ARHGEF4: variants seen among roughly 807,000 people sequenced by gnomAD.
ARHGEF4 encodes APC-stimulated guanine nucleotide exchange factor 1.
ARHGEF4 carries 119 observed loss-of-function variants against 162.0 expected under a neutral mutation model. The observed-to-expected ratio is 0.73, with a 90% CI of 0.63 to 0.86. ARHGEF4 has a LOEUF of 0.86. Ranked by LOEUF, ARHGEF4 falls within the 40% of genes least tolerant of loss-of-function variation. The pLI is 0.00. For synonymous variants in ARHGEF4, 1,014 were observed against 979.9 expected, an observed-to-expected ratio of 1.03 and a Z score of -0.65; for missense variants, 2,488 against 2,456.0, an observed-to-expected ratio of 1.01 and a Z score of -0.28.
chr2:131,012,470 G>C (rs967148730), intron 4 of ARHGEF4, among the ~76,000 whole-genome samples: 1 of 151,944 alleles, frequency 6.6e-6, no homozygotes, highest in African/African-American at 2.4e-5. Context: ...AGATACTGAA[G>C]TTGCAAAGCC....
chr2:131,045,633 G>A, intron 13 of ARHGEF4, 187 bp downstream of exon 13: 3 of 1,536,792 alleles, frequency 2.0e-6, no homozygotes, highest in Non-Finnish European at 2.6e-6. Context: ...GTCAGTATAT[G>A]GTTGACATTC....
Position 130,986,883 on chromosome 2 carries a change from GGAGAGC to G in ARHGEF4, c.3985+40249_3985+40254del, listed in dbSNP as rs1200958266. Among the ~76,000 whole-genome samples, 14 of 152,352 alleles carry G rather than the reference GGAGAGC, an allele frequency of 9.2e-5. No homozygotes were observed. The East Asian group carries it at 2.7e-3, about 29-fold the overall frequency. On this transcript the variant is annotated intron_variant, in intron 4 of 13. Coordinates refer to ENST00000409359, the MANE Select transcript of ARHGEF4 (RefSeq NM_001367493.1). ...GGCTCTGAAGCTGCCTAGGCCCGCA[GGAGAGC>G]CTTGGGTCACACAATCCTAGGTGGT...
chr2:130,877,168 C>T (rs1678907064), intron 1 of ARHGEF4, among the ~76,000 whole-genome samples: 1 of 152,002 alleles, frequency 6.6e-6, no homozygotes, highest in African/African-American at 2.4e-5. Context: ...GTAAGGGGGA[C>T]GCAGGGGTTC....
chr2:130,973,563 TC>T (rs1026580600), intron 4 of ARHGEF4, among the ~76,000 whole-genome samples: 2 of 152,304 alleles, frequency 1.3e-5, no homozygotes, highest in African/African-American at 4.8e-5. Flanking sequence ...TGCAAGTTAC[TC>T]TTTGATACCA....
chr2:130,886,666 C>G (rs185809061), intron 1 of ARHGEF4, among the ~76,000 whole-genome samples: 2,466 of 147,980 alleles, frequency 0.017, 84 homozygotes, highest in African/African-American at 0.058. Context: ...GGGTGGCAGA[C>G]CGAGACTCTG....
chr2:130,954,375 G>A (rs867635908), intron 4 of ARHGEF4, among the ~76,000 whole-genome samples: 21 of 152,202 alleles, frequency 1.4e-4, no homozygotes, highest in African/African-American at 2.4e-4. Flanking sequence ...GACACAGGGC[G>A]GGGAACATCA....
chr2:130,994,632 C>T (rs1573557486), intron 4 of ARHGEF4, among the ~76,000 whole-genome samples: 1 of 152,146 alleles, frequency 6.6e-6, no homozygotes, highest in Non-Finnish European at 1.5e-5. Context: ...CTTCATCGCT[C>T]TTCATTGCTT....
intron 2 of ARHGEF4, among the ~76,000 whole-genome samples, chr2:130,926,032 CTT>C (rs1377487999): frequency 9.4e-6 from 1 of 106,242 alleles, no homozygotes; most frequent in African/African-American, 5.3e-5. Flanking sequence ...TTCTTTCTTT[CTT>C]TCTTTCTTTC....
intron 3 of ARHGEF4, among the ~76,000 whole-genome samples, chr2:130,941,159 A>G (rs1424244545): frequency 6.6e-6 from 1 of 152,052 alleles, no homozygotes; most frequent in African/African-American, 2.4e-5. Flanking sequence ...CCCTTAAACC[A>G]TGCAGGGGTT....
At chr2:130,937,160 C>CA (rs397935380) in intron 3 of ARHGEF4, among the ~76,000 whole-genome samples, 1 of 151,776 alleles carries the variant, frequency 6.6e-6, no homozygotes, top group Non-Finnish European at 1.5e-5. Context: ...ATCTTCCCCC[C>CA]TCGGCCTCCC....
chr2:130,916,427 AGGCCCCGAG>A lies in ARHGEF4; in HGVS notation c.2484_2492del (p.Pro829_Gly831del). On this transcript the variant is annotated inframe_deletion, in exon 2 of 14. Coordinates refer to ENST00000409359, the MANE Select transcript of ARHGEF4 (RefSeq NM_001367493.1). ...CCGAGGGTCGCCGCTGGGGCTCTTC[AGGCCCCGAG>A]GGGCTCCCCAGGGAGAATCCGCCCG... 1 of 1,536,464 alleles carries A rather than the reference AGGCCCCGAG, an allele frequency of 6.5e-7. No homozygotes were observed. Among genetic ancestry groups the A allele is most frequent in the Non-Finnish European group, 8.7e-7 (1 of 1,144,052 alleles).
intron 4 of ARHGEF4, among the ~76,000 whole-genome samples, chr2:130,953,759 T>A (rs564574710): frequency 1.4e-4 from 21 of 152,292 alleles, no homozygotes; most frequent in African/African-American, 5.1e-4. Context: ...AACAGACACT[T>A]CTCAAAAGAA....
At chr2:130,913,120 A>G (rs1178500992) in intron 1 of ARHGEF4, among the ~76,000 whole-genome samples, 9 of 152,282 alleles carry the variant, frequency 5.9e-5, no homozygotes, top group Non-Finnish European at 1.3e-4. Context: ...CCTGTGGATA[A>G]GGGTGGCTAC....
At position 130,913,975 on chromosome 2, in the gene ARHGEF4, T is replaced by C; in HGVS notation, c.40-11T>C. On this transcript the variant is annotated splice_polypyrimidine_tract_variant and intron_variant, in intron 1 of 13. Transcript: ENST00000409359. ...GCCTTGTCTCTGACTCCTCTCTTCTTGCCCTCCCAGACTCCAGAGCCAGGT... is the reference window on the plus strand; with the variant it reads ...GCCTTGTCTCTGACTCCTCTCTTCTCGCCCTCCCAGACTCCAGAGCCAGGT... 1.3e-6 allele frequency: 2 copies of C among 1,536,012 alleles called. No homozygotes were observed. The highest frequency in any genetic ancestry group is 1.7e-6 in the Non-Finnish European group (2 of 1,146,878).
intron 1 of ARHGEF4, among the ~76,000 whole-genome samples, chr2:130,851,201 G>T (rs1681386768): frequency 1.3e-5 from 2 of 152,266 alleles, no homozygotes; most frequent in Admixed American, 6.5e-5. Context: ...AGGCCAGCAT[G>T]TGCCTTTCCT....
At chr2:131,042,075 C>A in intron 10 of ARHGEF4, 131 bp downstream of exon 10, 5 of 1,331,474 alleles carry the variant, frequency 3.8e-6, no homozygotes, top group Non-Finnish European at 5.0e-6. Context: ...AACAGATGCT[C>A]ATGGTGTGAA....
Position 130,914,930 on chromosome 2 carries a change from T to C in ARHGEF4, c.984T>C (p.Cys328=). 6.5e-7 allele frequency: 1 copy of C among 1,539,492 alleles called. No individual in the cohort carries two copies. Among genetic ancestry groups the C allele is most frequent in the South Asian group, 1.2e-5 (1 of 82,236 alleles). The change falls in exon 2 of 14, where the codon TGT becomes TGC. Residue 328 remains cysteine (C), a synonymous_variant. Coordinates refer to ENST00000409359, the MANE Select transcript of ARHGEF4 (RefSeq NM_001367493.1). ...DKNRASPRLN[C]GHMRALVRAH... is the part of the protein sequence containing the mutation. ...ACAGGGCATCCCCCAGACTCAACTG[T>C]GGGCACATGAGGGCACTGGTCAGGG...
chr2:130,952,761 C>T (rs1208549007), intron 4 of ARHGEF4, among the ~76,000 whole-genome samples: 1 of 152,098 alleles, frequency 6.6e-6, no homozygotes, highest in Admixed American at 6.6e-5. Context: ...CATTCCTATA[C>T]ACTAATAACA....
Position 130,915,779 on chromosome 2 carries a change from C to T in ARHGEF4, c.1833C>T (p.Ala611=), listed in dbSNP as rs1187511975. Residue 611 remains alanine (A), a synonymous_variant, in exon 2 of 14, where the codon GCC becomes GCT. Transcript: ENST00000409359. ...AEEGEQGPGG[A]GGRQLEPKAG... is the part of the protein sequence containing the mutation. ...AGGGTGAACAGGGGCCTGGGGGTGCCGGGGGCCGGCAGCTGGAGCCCAAAG... is the reference window on the plus strand; with the variant it reads ...AGGGTGAACAGGGGCCTGGGGGTGCTGGGGGCCGGCAGCTGGAGCCCAAAG... The T allele has an allele frequency of 8.5e-6, 13 of 1,525,806 alleles. No homozygotes were observed. The highest frequency in any genetic ancestry group is 8.8e-6 in the Non-Finnish European group (10 of 1,135,086). The allele number at this position is 1,525,806 out of a possible 1,614,324, so 94.5% of individuals were successfully genotyped here. A position where few individuals can be genotyped will look rare whatever the true frequency, so the allele number is the denominator to read the frequency against.
Sources: gnomAD v4.1 joint callset for allele counts (sites outside exome capture counted in the v4.1 genomes callset) on GRCh38, gnomAD v4.1.1 for gene constraint, MANE v1.5 for transcripts, NCBI Gene and HGNC (gene_info 2026-07-23, HGNC 2026-07-21) for gene names.